Variants in CNTLN observed in about 807,000 individuals in gnomAD.
CNTLN encodes the protein centlein.
A neutral mutation model predicts 180.0 loss-of-function variants in CNTLN; 212 were observed. The ratio of observed to expected loss-of-function variants is 1.18; its 90% confidence interval spans 1.05 to 1.32. The LOEUF (loss-of-function observed/expected upper bound fraction) is 1.32. Ranked by LOEUF, CNTLN falls within the 40% of genes most tolerant of loss-of-function variation. The pLI is 0.00. For missense variants in CNTLN, 2,095 were observed against 1,610.9 expected, an observed-to-expected ratio of 1.30 and a Z score of -5.14; for synonymous variants, 722 against 563.1, an observed-to-expected ratio of 1.28 and a Z score of -3.99.
At chr9:17,512,369 C>A in the CNTLN span, among the ~76,000 whole-genome samples, 51 of 152,270 alleles carry the variant, frequency 3.3e-4, no homozygotes, top group Non-Finnish European at 6.3e-4. Context: ...TCCTTTGCAG[C>A]AACATGGATG....
At chr9:17,318,743 A>T (rs1819703685) in intron 8 of CNTLN, among the ~76,000 whole-genome samples, 1 of 152,152 alleles carries the variant, frequency 6.6e-6, no homozygotes, top group African/African-American at 2.4e-5. Flanking sequence ...TGTGTGACTT[A>T]ACATTTCTGC....
At chr9:17,184,190 C>T (rs980898731) in intron 2 of CNTLN, among the ~76,000 whole-genome samples, 1 of 152,070 alleles carries the variant, frequency 6.6e-6, no homozygotes, top group Non-Finnish European at 1.5e-5. Flanking sequence ...TTTTTACCGA[C>T]AAACGGACTT....
intron 5 of CNTLN, among the ~76,000 whole-genome samples, chr9:17,263,913 G>A (rs919000914): frequency 2.1e-5 from 3 of 141,526 alleles, no homozygotes; most frequent in East Asian, 4.3e-4. Flanking sequence ...TTGTAAATTT[G>A]TTTGAGTTCA....
downstream of CNTLN, chr9:17,504,003 G>C (rs956458620): frequency 1.3e-5 from 2 of 152,476 alleles, no homozygotes; most frequent in African/African-American, 4.8e-5. Flanking sequence ...TAATGGAAGA[G>C]ACTGTGCTTC....
intron 13 of CNTLN, among the ~76,000 whole-genome samples, chr9:17,385,746 A>G (rs749425459): frequency 2.0e-4 from 31 of 152,206 alleles, no homozygotes; most frequent in Admixed American, 8.5e-4. Context: ...CAATATTTAC[A>G]TAGCATTTAC....
At chr9:17,163,355 C>T (rs889747899) in intron 2 of CNTLN, among the ~76,000 whole-genome samples, 2 of 152,242 alleles carry the variant, frequency 1.3e-5, no homozygotes, top group East Asian at 1.9e-4. Context: ...TTATGCTCTT[C>T]CCCCCATTTT....
At chr9:17,295,995 AGAGTGT>A (rs1265492062) in intron 6 of CNTLN, among the ~76,000 whole-genome samples, 2,592 of 84,460 alleles carry the variant, frequency 0.031, 16 homozygotes, top group East Asian at 0.18. Context: ...AGAGAGAGAG[AGAGTGT>A]GTGTGTGTGT....
chr9:17,516,465 A>G, the CNTLN span, among the ~76,000 whole-genome samples: 78 of 152,364 alleles, frequency 5.1e-4, no homozygotes, highest in African/African-American at 1.8e-3. Context: ...AAGACCCAGG[A>G]AAAAGGGTAT....
At chr9:17,259,657 G>C (rs1171869079) in intron 5 of CNTLN, among the ~76,000 whole-genome samples, 1 of 150,980 alleles carries the variant, frequency 6.6e-6, no homozygotes, top group Non-Finnish European at 1.5e-5. Flanking sequence ...TTCAGATCCT[G>C]TTATTGGTCT....
chr9:17,146,788 C>T (rs957218669), intron 2 of CNTLN, among the ~76,000 whole-genome samples: 24 of 152,086 alleles, frequency 1.6e-4, no homozygotes, highest in African/African-American at 5.6e-4. Context: ...ATTATTACTT[C>T]TAAAAATTAC....
intron 2 of CNTLN, among the ~76,000 whole-genome samples, chr9:17,145,872 C>T (rs545704017): frequency 1.2e-4 from 18 of 151,982 alleles, no homozygotes; most frequent in Non-Finnish European, 2.1e-4. Flanking sequence ...CTTAAATGAC[C>T]GAAAATGTCT....
At chr9:17,214,398 C>G (rs959991659) in intron 2 of CNTLN, among the ~76,000 whole-genome samples, 18 of 152,224 alleles carry the variant, frequency 1.2e-4, no homozygotes, top group African/African-American at 4.1e-4. Flanking sequence ...TCTCTTCTGG[C>G]TTGCAGAGTT....
intron 2 of CNTLN, among the ~76,000 whole-genome samples, chr9:17,192,506 G>T (rs1821853661): frequency 1.3e-5 from 2 of 148,182 alleles, no homozygotes; most frequent in Non-Finnish European, 1.5e-5. Context: ...CAAAGTGCTG[G>T]GATTACAGGC....
At chr9:17,280,674 C>A (rs769572645) in intron 6 of CNTLN, among the ~76,000 whole-genome samples, 100 of 152,160 alleles carry the variant, frequency 6.6e-4, no homozygotes, top group Non-Finnish European at 1.3e-3. Context: ...GACTTAGCCA[C>A]CCAAGAACTG....
chr9:17,498,708 T>C (rs963397168), intron 25 of CNTLN, among the ~76,000 whole-genome samples: 2 of 152,190 alleles, frequency 1.3e-5, no homozygotes, highest in Admixed American at 1.3e-4. Flanking sequence ...TTTCTCCTTC[T>C]TTATCCAAGA....
intron 6 of CNTLN, among the ~76,000 whole-genome samples, chr9:17,294,168 CAA>C (rs905646553): frequency 3.3e-5 from 5 of 151,600 alleles, no homozygotes; most frequent in East Asian, 3.9e-4. Context: ...AGTGTGGATC[CAA>C]AGAGTGAGCA....
chr9:17,267,447 C>T (rs1319921987), intron 5 of CNTLN, among the ~76,000 whole-genome samples: 1 of 152,098 alleles, frequency 6.6e-6, no homozygotes, highest in Non-Finnish European at 1.5e-5. Flanking sequence ...GGTAACCCGA[C>T]CTTTCTCTCT....
intron 5 of CNTLN, among the ~76,000 whole-genome samples, chr9:17,248,656 AATGCTGTTTTATGTAT>A (rs575654974): frequency 0.016 from 2,349 of 150,330 alleles, 64 homozygotes; most frequent in African/African-American, 0.054. Flanking sequence ...GAAGGACAAA[AATGCTGTTTTATGTAT>A]ATAGAGAAAA....
chr9:17,264,125 A>G (rs1469716432), intron 5 of CNTLN, among the ~76,000 whole-genome samples: 2 of 143,536 alleles, frequency 1.4e-5, no homozygotes, highest in Non-Finnish European at 3.0e-5. Context: ...GCCCATGCCT[A>G]TGTCCTGAAT....
Sources: allele counts gnomAD v4.1 joint callset (sites outside exome capture counted in the v4.1 genomes callset), GRCh38; gene constraint gnomAD v4.1.1; transcripts MANE v1.5; gene names NCBI Gene and HGNC (gene_info 2026-07-23, HGNC 2026-07-21).